The following ZNF423 variants were observed in gnomAD, a reference collection of about 807,000 sequenced individuals.
ZNF423 encodes the protein zinc finger protein 423.
Under a neutral mutation model 95.8 loss-of-function variants are expected in ZNF423, and 12 were observed. The observed-to-expected ratio is 0.13, with a 90% CI of 0.08 to 0.20. The LOEUF (loss-of-function observed/expected upper bound fraction) is 0.20, where lower values mean the gene tolerates loss of function less well. Ranked by LOEUF, ZNF423 falls within the 10% of genes least tolerant of loss-of-function variation. The pLI, the probability that ZNF423 is intolerant of heterozygous loss-of-function variation, is 1.00. For synonymous variants in ZNF423, 749 were observed against 711.9 expected, an observed-to-expected ratio of 1.05 and a Z score of -0.83; for missense variants, 1,316 against 1,737.1, an observed-to-expected ratio of 0.76 and a Z score of 4.31.
chr16:49,765,481 CAGG>C (rs2033913580), intron 2 of ZNF423, among the ~76,000 whole-genome samples: 1 of 152,066 alleles, frequency 6.6e-6, no homozygotes, highest in African/African-American at 2.4e-5. Flanking sequence ...GAGGCCAAGG[CAGG>C]AGGATTTCTT....
chr16:49,532,445 T>C (rs1968882758), intron 5 of ZNF423, among the ~76,000 whole-genome samples: 1 of 152,128 alleles, frequency 6.6e-6, no homozygotes, highest in Admixed American at 6.5e-5. Flanking sequence ...CTCCTCCCCC[T>C]GGGGGCACCC....
intron 3 of ZNF423, among the ~76,000 whole-genome samples, chr16:49,697,428 T>C (rs1163886056): frequency 2.0e-5 from 3 of 151,982 alleles, no homozygotes; most frequent in Non-Finnish European, 2.9e-5. Flanking sequence ...ACCTACCAAG[T>C]AGGCTCCTGG....
intron 5 of ZNF423, among the ~76,000 whole-genome samples, chr16:49,606,476 G>A (rs532340095): frequency 1.3e-5 from 2 of 152,318 alleles, no homozygotes; most frequent in South Asian, 2.1e-4. Flanking sequence ...TGGTGCACCA[G>A]GGTCCCCACC....
chr16:49,530,309 T>C (rs1968792993), intron 5 of ZNF423, among the ~76,000 whole-genome samples: 1 of 152,144 alleles, frequency 6.6e-6, no homozygotes, highest in Non-Finnish European at 1.5e-5. Flanking sequence ...AGGGAGGCCT[T>C]ACTCGAGACC....
intron 2 of ZNF423, among the ~76,000 whole-genome samples, chr16:49,779,243 A>C (rs2034170244): frequency 6.6e-6 from 1 of 151,624 alleles, no homozygotes; most frequent in South Asian, 2.1e-4. Flanking sequence ...GGTATAAGAG[A>C]AGGAACATTA....
At chr16:49,612,428 C>G (rs1208102309) in intron 5 of ZNF423, among the ~76,000 whole-genome samples, 5 of 139,954 alleles carry the variant, frequency 3.6e-5, no homozygotes, top group African/African-American at 1.3e-4. Flanking sequence ...AAAAAAAAGA[C>G]AAAAACTTCA....
At chr16:49,702,527 AT>A (rs2032215465) in intron 3 of ZNF423, among the ~76,000 whole-genome samples, 1 of 152,064 alleles carries the variant, frequency 6.6e-6, no homozygotes, top group Non-Finnish European at 1.5e-5. Context: ...TGCCGATCAA[AT>A]TGAGGAGGGG....
rs908111934 is a variant in ZNF423 at position 49,489,139 on chromosome 16, A to C, written c.*2136T>G. ...CCTACGCCACCAACCGTCAAATCGA[A>C]TCTTCTATTGGTAGTTACTGAGGGC... On this transcript the variant is annotated 3_prime_UTR_variant, in exon 8 of 8. Transcript: ENST00000563137. The C allele has an allele frequency of 6.6e-6, 1 of 152,142 alleles. No individual in the cohort carries two copies. The highest frequency in any genetic ancestry group is 1.5e-5 in the Non-Finnish European group (1 of 68,036). 9.4% of individuals were successfully genotyped at this position (152,142 alleles called of 1,614,324 possible).
chr16:49,837,856 G>A (rs2035137189), intron 1 of ZNF423, among the ~76,000 whole-genome samples: 2 of 152,174 alleles, frequency 1.3e-5, no homozygotes, highest in African/African-American at 2.4e-5. Flanking sequence ...CTACACCAGC[G>A]GTCACGTCAC....
In ZNF423 at chr16:49,491,158, T is replaced by C. The variant is rs1966941290; in HGVS notation, c.*117A>G. 6 of 1,243,142 alleles carry C rather than the reference T, an allele frequency of 4.8e-6. No homozygotes were observed. 77.0% of individuals were successfully genotyped at this position (1,243,142 alleles called of 1,614,324 possible). A position where few individuals can be genotyped will look rare whatever the true frequency, so the allele number is the denominator to read the frequency against. Reference sequence around the variant, plus strand: ...ATAGCAGCGCCTCATGGCCAAATCATTAGAGTTTTACATCTGGGTTGCAAA... The same window carrying C: ...ATAGCAGCGCCTCATGGCCAAATCACTAGAGTTTTACATCTGGGTTGCAAA... On this transcript the variant is annotated 3_prime_UTR_variant, in exon 8 of 8. Transcript: ENST00000563137.
rs185067883 is a variant in ZNF423 at position 49,797,310 on chromosome 16, G to A, written c.41-7764C>T. ...GCACAGAAGGCCAAGCAAAGGTGGC[G>A]AGAAAGAGCTGAAATGTGACCCACA... On this transcript the variant is annotated intron_variant, in intron 1 of 7. Coordinates refer to ENST00000563137, the MANE Select transcript of ZNF423 (RefSeq NM_001379286.1). 2.7e-3 allele frequency among the ~76,000 whole-genome samples: 404 copies of A among 152,252 alleles called. 2 individuals carry two copies. Among genetic ancestry groups the A allele is most frequent in the South Asian group, 2.1e-3 (10 of 4,826 alleles).
intron 3 of ZNF423, among the ~76,000 whole-genome samples, chr16:49,688,509 C>T (rs766105078): frequency 2.6e-4 from 40 of 152,282 alleles, no homozygotes; most frequent in Non-Finnish European, 5.4e-4. Context: ...TGCTGGCAGC[C>T]CGGGCGGCTC....
chr16:49,759,835 G>C (rs1166813947), intron 2 of ZNF423, among the ~76,000 whole-genome samples: 1 of 152,150 alleles, frequency 6.6e-6, no homozygotes, highest in African/African-American at 2.4e-5. Flanking sequence ...TGTCTGTGCA[G>C]ATGAGACTAG....
intron 5 of ZNF423, among the ~76,000 whole-genome samples, chr16:49,539,678 G>C (rs112737107): frequency 7.1e-4 from 108 of 152,262 alleles, no homozygotes; most frequent in African/African-American, 2.4e-3. Flanking sequence ...TGGTGGGTGT[G>C]GGGGGTGTGA....
chr16:49,593,902 C>A (rs1971097193), intron 5 of ZNF423, among the ~76,000 whole-genome samples: 1 of 152,188 alleles, frequency 6.6e-6, no homozygotes, highest in Admixed American at 6.5e-5. Flanking sequence ...CAGCAGAAAT[C>A]TCTATCTGTA....
chr16:49,530,946 C>G (rs1194104913), intron 5 of ZNF423, among the ~76,000 whole-genome samples: 1 of 152,252 alleles, frequency 6.6e-6, no homozygotes, highest in Admixed American at 6.5e-5. Context: ...CAAGCCACCC[C>G]TGCTCCCTGA....
At chr16:49,525,609 G>C in intron 5 of ZNF423, 115 bp from the exon 6 acceptor site, 1 of 1,440,188 alleles carries the variant, frequency 6.9e-7, no homozygotes, top group South Asian at 1.3e-5. Flanking sequence ...CCAGCACCGG[G>C]GCTGGTGAAG....
intron 7 of ZNF423, among the ~76,000 whole-genome samples, chr16:49,523,208 C>T (rs1044665478): frequency 3.3e-5 from 5 of 152,194 alleles, no homozygotes; most frequent in Non-Finnish European, 5.9e-5. Context: ...ATGGACAAAA[C>T]TGGAGGCTCC....
intron 3 of ZNF423, among the ~76,000 whole-genome samples, chr16:49,701,736 C>T (rs888845905): frequency 6.6e-6 from 1 of 152,186 alleles, no homozygotes; most frequent in African/African-American, 2.4e-5. Context: ...ATAGAAAAGT[C>T]ATTTCCCCCC....
Sources: allele counts gnomAD v4.1 joint callset (sites outside exome capture counted in the v4.1 genomes callset), GRCh38; gene constraint gnomAD v4.1.1; transcripts MANE v1.5; gene names NCBI Gene and HGNC (gene_info 2026-07-23, HGNC 2026-07-21).